HK1: variants seen among roughly 807,000 people sequenced by gnomAD.
The protein encoded by HK1 is hexokinase-1.
Under a neutral mutation model 91.6 loss-of-function variants are expected in HK1, and 28 were observed. That is an observed-to-expected ratio of 0.31 (90% CI 0.23 to 0.42). The LOEUF is 0.42. HK1 is among the 10% of genes least tolerant of loss of function. The pLI is 1.00. For synonymous variants in HK1, 430 were observed against 468.1 expected, an observed-to-expected ratio of 0.92 and a Z score of 1.05; for missense variants, 770 against 1,219.8, an observed-to-expected ratio of 0.63 and a Z score of 5.49.
At position 69,354,555 on chromosome 10, in the gene HK1, C is replaced by T. The variant is rs191358944; in HGVS notation, c.227-5342C>T. Among the ~76,000 whole-genome samples the T allele has an allele frequency of 7.0e-3, 1,073 of 152,292 alleles. 7 individuals are homozygous for T. The highest frequency in any genetic ancestry group is 0.012 in the Non-Finnish European group (834 of 68,020). Reference sequence around the variant, plus strand: ...ACCACCTCCATGATTCAGTTACCTCCACCTGGTCTCTTTCTTGATATGTGG... The same window carrying T: ...ACCACCTCCATGATTCAGTTACCTCTACCTGGTCTCTTTCTTGATATGTGG... On this transcript the variant is annotated intron_variant, in intron 2 of 17. Coordinates refer to ENST00000359426, the MANE Select transcript of HK1 (RefSeq NM_000188.3).
chr10:69,308,274 A>G (rs1476020071), intron 5 of HK1, among the ~76,000 whole-genome samples: 2 of 152,274 alleles, frequency 1.3e-5, no homozygotes, highest in African/African-American at 4.8e-5. Context: ...ACCTCAGATC[A>G]TTATGCAGCA....
At chr10:69,398,479 ACT>A (rs759597439) in intron 16 of HK1, 114 bp from the exon 17 acceptor site, 2 of 778,550 alleles carry the variant, frequency 2.6e-6, no homozygotes, top group Non-Finnish European at 4.4e-6. Context: ...CTTGCCCTTG[ACT>A]CTGTCTGTGG....
At chr10:69,400,958 T>C in intron 17 of HK1, 33 bp from the exon 18 acceptor site, 1 of 1,613,974 alleles carries the variant, frequency 6.2e-7, no homozygotes, top group Non-Finnish European at 8.5e-7. Context: ...CTCATCTTCC[T>C]CCAACTACCT....
At chr10:69,276,709 ATTAT>A (rs563832317) in intron 1 of HK1, among the ~76,000 whole-genome samples, 196 of 150,834 alleles carry the variant, frequency 1.3e-3, no homozygotes, top group African/African-American at 4.6e-3. Context: ...AATGATTAAA[ATTAT>A]TTAATTATTA....
chr10:69,350,887 C>T (rs888293068), intron 2 of HK1, among the ~76,000 whole-genome samples: 5 of 151,696 alleles, frequency 3.3e-5, no homozygotes, highest in African/African-American at 1.2e-4. Flanking sequence ...AAAACCAAAG[C>T]TGGCCGGGCG....
chr10:69,368,056 T>TG (rs1469052043), intron 4 of HK1, among the ~76,000 whole-genome samples: 1 of 152,240 alleles, frequency 6.6e-6, no homozygotes, highest in African/African-American at 2.4e-5. Context: ...GTCTGGGACC[T>TG]GGCTCTTAAA....
chr10:69,399,065 A>G (rs1840272018), intron 17 of HK1, among the ~76,000 whole-genome samples: 1 of 152,176 alleles, frequency 6.6e-6, no homozygotes, highest in South Asian at 2.1e-4. Context: ...CACCAGTGGC[A>G]TGATGTGACC....
intron 1 of HK1, among the ~76,000 whole-genome samples, chr10:69,328,038 G>C (rs1847481487): frequency 6.6e-6 from 1 of 152,190 alleles, no homozygotes; most frequent in African/African-American, 2.4e-5. Context: ...ACATTTGTGA[G>C]CTTTCACTTG....
At chr10:69,295,896 G>A (rs932647289) in intron 4 of HK1, among the ~76,000 whole-genome samples, 1 of 152,120 alleles carries the variant, frequency 6.6e-6, no homozygotes, top group South Asian at 2.1e-4. Context: ...TAGTAACAGA[G>A]GCCCCCTTCT....
chr10:69,384,053 TAGG>T (rs1000597422), intron 10 of HK1, among the ~76,000 whole-genome samples: 2 of 152,256 alleles, frequency 1.3e-5, no homozygotes, highest in African/African-American at 4.8e-5. Flanking sequence ...TTATTTTTTG[TAGG>T]AGATTTTCAT....
At chr10:69,283,713 G>C (rs1297023844) in intron 2 of HK1, among the ~76,000 whole-genome samples, 1 of 147,780 alleles carries the variant, frequency 6.8e-6, no homozygotes, top group African/African-American at 2.5e-5. Flanking sequence ...CACAGGAGGC[G>C]GAGGCTGCAA....
intron 2 of HK1, among the ~76,000 whole-genome samples, chr10:69,354,649 T>TAGAA (rs111749417): frequency 1.3e-5 from 2 of 151,258 alleles, no homozygotes; most frequent in African/African-American, 4.9e-5. Context: ...ATCAGGTGCC[T>TAGAA]TGAATGAATG....
At chr10:69,377,685 G>A (rs547249687) in intron 8 of HK1, among the ~76,000 whole-genome samples, 1 of 152,238 alleles carries the variant, frequency 6.6e-6, no homozygotes, top group South Asian at 2.1e-4. Flanking sequence ...GAAGTATAAA[G>A]TATAAAAATA....
intron 15 of HK1, among the ~76,000 whole-genome samples, chr10:69,392,726 C>T (rs1839960652): frequency 6.6e-6 from 1 of 152,026 alleles, no homozygotes; most frequent in Non-Finnish European, 1.5e-5. Flanking sequence ...CCTTGTGGAG[C>T]TTTGCAGCTC....
intron 1 of HK1, among the ~76,000 whole-genome samples, chr10:69,333,520 T>A (rs1847834140): frequency 6.6e-6 from 1 of 152,170 alleles, no homozygotes. Context: ...GTTCTCTTTC[T>A]GGGCAAGGAC....
chr10:69,306,083 A>ATG (rs1564497857), intron 5 of HK1, among the ~76,000 whole-genome samples: 1 of 151,676 alleles, frequency 6.6e-6, no homozygotes, highest in Non-Finnish European at 1.5e-5. Context: ...GGGGCTGGGC[A>ATG]CGGTGGCTCA....
At chr10:69,316,250 G>A (rs968435037), upstream of HK1, among the ~76,000 whole-genome samples, 5 of 152,166 alleles carry the variant, frequency 3.3e-5, no homozygotes, top group Non-Finnish European at 7.4e-5. Flanking sequence ...CGGAAACCAG[G>A]CAGAGATGTT....
chr10:69,338,177 G>A (rs1002825806), intron 1 of HK1: 2 of 974,072 alleles, frequency 2.1e-6, no homozygotes, highest in Non-Finnish European at 2.5e-6. Flanking sequence ...GGAGAATCCA[G>A]GACAAGTGTC....
chr10:69,323,483 C>T (rs773482806), intron 1 of HK1, among the ~76,000 whole-genome samples: 41 of 139,488 alleles, frequency 2.9e-4, no homozygotes, highest in Non-Finnish European at 4.5e-4. Context: ...ATTGTGTTAC[C>T]GTACTCCAGG....
Sources: allele counts gnomAD v4.1 joint callset (sites outside exome capture counted in the v4.1 genomes callset), GRCh38; gene constraint gnomAD v4.1.1; transcripts MANE v1.5; gene names NCBI Gene and HGNC (gene_info 2026-07-23, HGNC 2026-07-21).